Variants in TMEM132C observed in about 807,000 individuals in gnomAD.
TMEM132C encodes transmembrane protein 132C.
TMEM132C carries 29 observed loss-of-function variants against 61.4 expected under a neutral mutation model. The ratio of observed to expected loss-of-function variants is 0.47; its 90% CI spans 0.35 to 0.64. The LOEUF (loss-of-function observed/expected upper bound fraction) is 0.64. Ranked by LOEUF, TMEM132C falls within the 30% of genes least tolerant of loss-of-function variation. TMEM132C has a pLI of 0.00. For synonymous variants in TMEM132C, 656 were observed against 633.1 expected (o/e 1.04, Z -0.54); for missense variants, 1,408 against 1,476.9 (o/e 0.95, Z 0.76).
intron 1 of TMEM132C, among the ~76,000 whole-genome samples, chr12:128,268,343 G>T (rs1375054091): frequency 6.6e-6 from 1 of 152,334 alleles, no homozygotes; most frequent in South Asian, 2.1e-4. Flanking sequence ...GTGTGCGGCC[G>T]AGTGGCCGCG....
intron 2 of TMEM132C, among the ~76,000 whole-genome samples, chr12:128,540,669 A>G (rs1873705321): frequency 6.6e-6 from 1 of 152,092 alleles, no homozygotes; most frequent in Non-Finnish European, 1.5e-5. Context: ...GACAAATACA[A>G]ACTACTTCCT....
intron 4 of TMEM132C, among the ~76,000 whole-genome samples, chr12:128,632,599 T>C (rs748426724): frequency 2.6e-5 from 4 of 152,216 alleles, no homozygotes; most frequent in Non-Finnish European, 5.9e-5. Context: ...TTTTTCCGAC[T>C]ACGAAAATGG....
chr12:128,572,929 G>A (rs557833139), intron 3 of TMEM132C, among the ~76,000 whole-genome samples: 5 of 152,272 alleles, frequency 3.3e-5, no homozygotes, highest in South Asian at 4.1e-4. Context: ...TTAGAATGGC[G>A]ATCATTAAAA....
chr12:128,696,782 G>A (rs137973217), intron 7 of TMEM132C, among the ~76,000 whole-genome samples: 259 of 152,318 alleles, frequency 1.7e-3, no homozygotes, highest in Admixed American at 3.0e-3. Flanking sequence ...ACAAGATGAG[G>A]CAGAAAGCAA....
chr12:128,672,435 T>C (rs1954541687), intron 5 of TMEM132C, among the ~76,000 whole-genome samples: 1 of 152,206 alleles, frequency 6.6e-6, no homozygotes, highest in South Asian at 2.1e-4. Context: ...TTATCACAGC[T>C]GTATACATAG....
chr12:128,501,755 G>C (rs1452390834), intron 2 of TMEM132C, among the ~76,000 whole-genome samples: 1 of 152,196 alleles, frequency 6.6e-6, no homozygotes, highest in African/African-American at 2.4e-5. Flanking sequence ...TTGAACCTGA[G>C]AGCAGCAGCA....
chr12:128,590,412 G>A (rs1387315573), intron 3 of TMEM132C, among the ~76,000 whole-genome samples: 3 of 151,360 alleles, frequency 2.0e-5, no homozygotes, highest in Admixed American at 1.3e-4. Flanking sequence ...CTGTGCAGGT[G>A]GAGAAAAAGA....
intron 1 of TMEM132C, among the ~76,000 whole-genome samples, chr12:128,270,967 A>T (rs1441080094): frequency 6.6e-6 from 1 of 152,080 alleles, no homozygotes; most frequent in Non-Finnish European, 1.5e-5. Flanking sequence ...AAAAATTGTG[A>T]GAGTTGGTCA....
intron 3 of TMEM132C, among the ~76,000 whole-genome samples, chr12:128,591,465 G>C (rs747476359): frequency 1.2e-4 from 19 of 152,142 alleles, no homozygotes; most frequent in Admixed American, 4.6e-4. Flanking sequence ...CCAGCGTGTG[G>C]ATAGACCACA....
chr12:128,563,274 A>T (rs1423515446), intron 3 of TMEM132C, among the ~76,000 whole-genome samples: 1 of 152,192 alleles, frequency 6.6e-6, no homozygotes, highest in African/African-American at 2.4e-5. Context: ...GAGTCCTCTG[A>T]AGTAGAGGAA....
At chr12:128,517,327 C>T (rs1241462315) in intron 2 of TMEM132C, among the ~76,000 whole-genome samples, 1 of 151,634 alleles carries the variant, frequency 6.6e-6, no homozygotes, top group Non-Finnish European at 1.5e-5. Flanking sequence ...CCCAGCTACT[C>T]GGGAGGCTGA....
In TMEM132C at chr12:128,705,805, C is replaced by T. The variant is rs1954834880; in HGVS notation, c.2837C>T (p.Ala946Val). Residue 946 changes from alanine to valine, a missense_variant, in exon 9 of 9, where the codon GCC becomes GTC. Transcript: ENST00000435159. ...LAILVFLINC[A>V]TFALKYRHKQ... ...ATCCTCGTCTTCCTGATCAACTGCG[C>T]CACCTTTGCCCTGAAGTACAGGCAC... 1 of 1,551,656 alleles carries T rather than the reference C, an allele frequency of 6.4e-7. No homozygotes were observed. The highest frequency in any genetic ancestry group is 8.7e-7 in the Non-Finnish European group (1 of 1,147,054).
chr12:128,506,476 T>G (rs1389429461), intron 2 of TMEM132C, among the ~76,000 whole-genome samples: 1 of 152,184 alleles, frequency 6.6e-6, no homozygotes, highest in East Asian at 1.9e-4. Flanking sequence ...CCAGGTTTCC[T>G]CTTCTCCAAG....
intron 4 of TMEM132C, among the ~76,000 whole-genome samples, chr12:128,638,784 G>T (rs1481743914): frequency 1.3e-5 from 2 of 152,166 alleles, no homozygotes; most frequent in African/African-American, 4.8e-5. Flanking sequence ...TGACTGTAAG[G>T]CTGCTGGTGG....
intron 1 of TMEM132C, among the ~76,000 whole-genome samples, chr12:128,309,802 G>A (rs990072959): frequency 6.7e-6 from 1 of 150,124 alleles, no homozygotes; most frequent in Non-Finnish European, 1.5e-5. Flanking sequence ...GTGCAGTCTC[G>A]ACTCACTGTA....
chr12:128,589,911 A>G (rs1204700572), intron 3 of TMEM132C, among the ~76,000 whole-genome samples: 1 of 152,336 alleles, frequency 6.6e-6, no homozygotes, highest in Middle Eastern at 3.4e-3. Context: ...TGCAGTGCTT[A>G]GAATCACTCT....
intron 1 of TMEM132C, among the ~76,000 whole-genome samples, chr12:128,346,542 G>A (rs1451189450): frequency 6.6e-6 from 1 of 152,142 alleles, no homozygotes; most frequent in Non-Finnish European, 1.5e-5. Flanking sequence ...CATGAGCATG[G>A]AATGTTTTAA....
At chr12:128,441,081 C>G (rs1476760039) in intron 2 of TMEM132C, among the ~76,000 whole-genome samples, 1 of 152,196 alleles carries the variant, frequency 6.6e-6, no homozygotes, top group Admixed American at 6.5e-5. Context: ...AAACAAAAAG[C>G]AAGAACAATG....
intron 3 of TMEM132C, among the ~76,000 whole-genome samples, chr12:128,569,280 C>CAG (rs1048463302): frequency 1.2e-4 from 18 of 152,088 alleles, no homozygotes; most frequent in African/African-American, 4.3e-4. Context: ...TGGTTAAGGT[C>CAG]AGAGAGAGAA....
Sources: allele counts gnomAD v4.1 joint callset (sites outside exome capture counted in the v4.1 genomes callset), GRCh38; gene constraint gnomAD v4.1.1; transcripts MANE v1.5; gene names NCBI Gene and HGNC (gene_info 2026-07-23, HGNC 2026-07-21).